Variants in DGKI observed in about 807,000 individuals in gnomAD.
The protein encoded by DGKI is diacylglycerol kinase iota.
DGKI carries 55 observed loss-of-function variants against 147.5 expected under a neutral mutation model. That is an observed-to-expected ratio of 0.37 (90% CI 0.30 to 0.47). The LOEUF is 0.47. Among genes scored for constraint, DGKI ranks in the 20% least tolerant of loss-of-function variants. The pLI is 1.00. For synonymous variants in DGKI, 469 were observed against 477.1 expected (o/e 0.98, Z 0.22); for missense variants, 1,007 against 1,323.8 (o/e 0.76, Z 3.71).
chr7:137,437,665 T>C (rs1813335011), intron 28 of DGKI, among the ~76,000 whole-genome samples: 1 of 152,110 alleles, frequency 6.6e-6, no homozygotes, highest in African/African-American at 2.4e-5. Context: ...CAGGCAAAAC[T>C]CAATTATAAC....
chr7:137,672,112 C>T (rs1335673989), intron 3 of DGKI, among the ~76,000 whole-genome samples: 1 of 152,246 alleles, frequency 6.6e-6, no homozygotes, highest in Non-Finnish European at 1.5e-5. Flanking sequence ...TGCCTGTCTG[C>T]TCACTTACAC....
At chr7:137,593,748 GATAA>G (rs1191217826) in intron 12 of DGKI, among the ~76,000 whole-genome samples, 3 of 152,096 alleles carry the variant, frequency 2.0e-5, no homozygotes, top group African/African-American at 4.8e-5. Flanking sequence ...TACTATTTTA[GATAA>G]ATAAAATATA....
chr7:137,665,699 G>A (rs1003259693), intron 3 of DGKI, among the ~76,000 whole-genome samples: 3 of 152,116 alleles, frequency 2.0e-5, no homozygotes, highest in African/African-American at 7.2e-5. Context: ...ATGACCTCCC[G>A]AGAGACCTAC....
At chr7:137,651,471 C>T (rs997259004) in intron 5 of DGKI, among the ~76,000 whole-genome samples, 4 of 152,108 alleles carry the variant, frequency 2.6e-5, no homozygotes, top group South Asian at 2.1e-4. Context: ...GAGGTGCATA[C>T]GATTTTCTTA....
At chr7:137,736,470 C>A (rs1795026434) in intron 1 of DGKI, among the ~76,000 whole-genome samples, 1 of 152,064 alleles carries the variant, frequency 6.6e-6, no homozygotes. Context: ...TAATAGCAGA[C>A]CTTACCTCTT....
chr7:137,722,312 T>G, intron 1 of DGKI: 1 of 1,612,892 alleles, frequency 6.2e-7, no homozygotes, highest in East Asian at 2.2e-5. Flanking sequence ...GTGGTTAAAC[T>G]TCGCAAAATG....
chr7:137,616,731 C>T (rs538023032), intron 8 of DGKI, among the ~76,000 whole-genome samples: 7 of 152,148 alleles, frequency 4.6e-5, no homozygotes, highest in South Asian at 2.1e-4. Context: ...TAAGTAATTT[C>T]GTAATGATAC....
Position 137,846,431 on chromosome 7 carries a change from C to T in DGKI, c.401+31G>A, listed in dbSNP as rs765661546. Reference sequence around the variant, plus strand: ...AGAGTGGGTCTCCCGCCGCGGCGCACCTGTCTCGGCTGCCGGCTCCCCGCA... The same window carrying T: ...AGAGTGGGTCTCCCGCCGCGGCGCATCTGTCTCGGCTGCCGGCTCCCCGCA... On this transcript the variant is annotated intron_variant, in intron 1 of 32. Coordinates refer to ENST00000614521, the MANE Select transcript of DGKI (RefSeq NM_001321708.2). The surrounding 1 kb of genome is among the most constrained non-coding windows in gnomAD (Gnocchi z 4.0). 9 of 1,534,248 alleles carry T rather than the reference C, an allele frequency of 5.9e-6. No individual in the cohort carries two copies. The highest frequency in any genetic ancestry group is 8.0e-6 in the Non-Finnish European group (9 of 1,128,874).
intron 21 of DGKI, among the ~76,000 whole-genome samples, chr7:137,488,242 T>G (rs1815638467): frequency 6.6e-6 from 1 of 151,992 alleles, no homozygotes. Flanking sequence ...GTGGCCAATA[T>G]CAGAACTAAA....
At chr7:137,827,828 G>A (rs566956090) in intron 1 of DGKI, among the ~76,000 whole-genome samples, 3 of 152,328 alleles carry the variant, frequency 2.0e-5, no homozygotes, top group African/African-American at 7.2e-5. Flanking sequence ...GAGATTAGAA[G>A]CAAATGGACT....
chr7:137,521,426 T>C (rs991296720), intron 21 of DGKI, among the ~76,000 whole-genome samples: 2 of 152,100 alleles, frequency 1.3e-5, no homozygotes, highest in African/African-American at 4.8e-5. Flanking sequence ...CATTATATAA[T>C]AGCATAATAT....
chr7:137,677,891 G>A (rs270898), intron 3 of DGKI, among the ~76,000 whole-genome samples: 74,539 of 151,934 alleles, frequency 0.49, 22,064 homozygotes, highest in African/African-American at 0.84. Context: ...TCTCAACACT[G>A]TGGTTTTGAT....
At chr7:137,732,288 A>T (rs2116667601) in intron 1 of DGKI, among the ~76,000 whole-genome samples, 1 of 152,168 alleles carries the variant, frequency 6.6e-6, no homozygotes, top group Non-Finnish European at 1.5e-5. Flanking sequence ...CATGTTGCAG[A>T]ATCTGTGTGG....
chr7:137,694,583 C>A (rs990036603), intron 1 of DGKI, among the ~76,000 whole-genome samples: 1 of 152,170 alleles, frequency 6.6e-6, no homozygotes, highest in African/African-American at 2.4e-5. Context: ...CAGAACACCT[C>A]CTAAAGATTG....
At chr7:137,583,199 T>TAATG (rs769211178) in intron 14 of DGKI, among the ~76,000 whole-genome samples, 58 of 152,310 alleles carry the variant, frequency 3.8e-4, no homozygotes, top group Non-Finnish European at 6.3e-4. Context: ...AAAGCCTATG[T>TAATG]AATGATTCAG....
chr7:137,450,365 C>A (rs1451466877), intron 27 of DGKI, among the ~76,000 whole-genome samples: 1 of 152,120 alleles, frequency 6.6e-6, no homozygotes, highest in East Asian at 1.9e-4. Flanking sequence ...ATATATATTT[C>A]ACATCATGTT....
intron 1 of DGKI, among the ~76,000 whole-genome samples, chr7:137,776,792 G>A (rs1302820790): frequency 1.3e-5 from 2 of 152,264 alleles, no homozygotes; most frequent in South Asian, 2.1e-4. Context: ...GGGGGCAGGT[G>A]TATGTGGGAG....
chr7:137,701,052 C>T (rs1027260187), intron 1 of DGKI, among the ~76,000 whole-genome samples: 3 of 152,090 alleles, frequency 2.0e-5, no homozygotes, highest in Admixed American at 6.5e-5. Context: ...CTATCCAGTT[C>T]GGCCTGCAGA....
At chr7:137,624,110 T>G (rs1820848729) in intron 6 of DGKI, among the ~76,000 whole-genome samples, 1 of 152,210 alleles carries the variant, frequency 6.6e-6, no homozygotes, top group Non-Finnish European at 1.5e-5. Context: ...CTTTTAATTT[T>G]TATTCTTTAC....
Sources: gnomAD v4.1 joint callset for allele counts (sites outside exome capture counted in the v4.1 genomes callset) on GRCh38, gnomAD v4.1.1 for gene constraint, Gnocchi (gnomAD v3.1) non-coding constraint, MANE v1.5 for transcripts, NCBI Gene and HGNC (gene_info 2026-07-23, HGNC 2026-07-21) for gene names.